Variants in ERICH1 observed in about 807,000 individuals in gnomAD.
ERICH1 encodes glutamate rich 1, also known as glutamate-rich protein 1.
Under a neutral mutation model 39.6 loss-of-function variants are expected in ERICH1, and 56 were observed. That is an observed-to-expected ratio of 1.41 (90% CI 1.14 to 1.77). The LOEUF (loss-of-function observed/expected upper bound fraction) is 1.77, where lower values mean the gene tolerates loss of function less well. ERICH1 is among the 40% of genes most tolerant of loss of function. ERICH1 has a pLI of 0.00. For missense variants in ERICH1, 826 were observed against 575.4 expected (o/e 1.44, Z -4.45); for synonymous variants, 313 against 223.6 (o/e 1.40, Z -3.57).
intron 1 of ERICH1, 27 bp downstream of exon 1, chr8:731,113 G>C: frequency 6.7e-7 from 1 of 1,488,214 alleles, no homozygotes; most frequent in Non-Finnish European, 8.9e-7. Flanking sequence ...TGGGGTCTGG[G>C]CAGGCCTCCG....
chr8:731,033 G>A (rs1819871171), intron 1 of ERICH1, 107 bp downstream of exon 1: 9 of 1,288,342 alleles, frequency 7.0e-6, no homozygotes, highest in Non-Finnish European at 9.0e-6. Context: ...CTGGGTTTGG[G>A]GTGGGGCCTG....
At chr8:684,854 A>C (rs1806940743) in intron 3 of ERICH1, among the ~76,000 whole-genome samples, 1 of 152,204 alleles carries the variant, frequency 6.6e-6, no homozygotes, top group African/African-American at 2.4e-5. Flanking sequence ...GAGTGTACAA[A>C]TACGGTATGG....
chr8:716,806 G>A (rs1391368129), intron 1 of ERICH1, among the ~76,000 whole-genome samples: 1 of 152,084 alleles, frequency 6.6e-6, no homozygotes, highest in Non-Finnish European at 1.5e-5. Context: ...GGCGTGCAGG[G>A]ATCTGTCATA....
At position 715,957 on chromosome 8, in the gene ERICH1, G is replaced by A; in HGVS notation, c.73C>T (p.Gln25Ter). 1 of 1,613,744 alleles carries A rather than the reference G, an allele frequency of 6.2e-7. No individual in the cohort carries two copies. The highest frequency in any genetic ancestry group is 8.5e-7 in the Non-Finnish European group (1 of 1,179,872). The stretch of plus-strand genomic sequence containing the variant: ...AGCGTCTGGGGTTCCCTCTTTCCTT[G>A]GCCACTTGGAACAGGAGGAAAAAGT... Reference protein sequence around the residue: ...QRLFPPVPSGQGKREPQTLAV... With the variant: ...QRLFPPVPSG The change falls in exon 2 of 6, where the codon CAA becomes TAA. Residue 25 changes from glutamine to a stop codon, truncating the protein, a stop_gained. Transcript: ENST00000262109. LOFTEE classifies it high-confidence loss of function.
intron 3 of ERICH1, among the ~76,000 whole-genome samples, chr8:632,674 C>G (rs1324458481): frequency 6.6e-6 from 1 of 152,178 alleles, no homozygotes; most frequent in Non-Finnish European, 1.5e-5. Flanking sequence ...CAGGAGTGGC[C>G]ACAAGCCACG....
At chr8:615,738 T>G (rs747102202) in intron 3 of ERICH1, 1 of 153,628 alleles carries the variant, frequency 6.5e-6, no homozygotes, top group South Asian at 2.1e-4. Flanking sequence ...CGAGTGAGAA[T>G]TGAGTGGAAT....
downstream of ERICH1, among the ~76,000 whole-genome samples, chr8:660,570 C>A (rs556792291): frequency 6.6e-6 from 1 of 152,368 alleles, no homozygotes; most frequent in South Asian, 2.1e-4. Flanking sequence ...TGTACTGAAT[C>A]CCCACCCAAA....
At chr8:633,739 G>A (rs1185307661) in intron 3 of ERICH1, among the ~76,000 whole-genome samples, 1 of 152,226 alleles carries the variant, frequency 6.6e-6, no homozygotes, top group African/African-American at 2.4e-5. Context: ...CAAACTCAAG[G>A]TCGAATGGGC....
intron 3 of ERICH1, among the ~76,000 whole-genome samples, chr8:691,791 T>C (rs895179754): frequency 2.6e-5 from 4 of 152,212 alleles, no homozygotes; most frequent in Non-Finnish European, 4.4e-5. Context: ...GTTTATAATA[T>C]AGAGTTTCTT....
At position 699,836 on chromosome 8, in the gene ERICH1, C is replaced by A. The variant is rs1281475595; in HGVS notation, c.170-7224G>T. ...ATCCGCACAAGCGCACAGACCCGCA[C>A]AGGCGCACAGACCCGCACACGCGCA... On this transcript the variant is annotated intron_variant, in intron 2 of 5. Coordinates refer to ENST00000262109, the MANE Select transcript of ERICH1 (RefSeq NM_207332.3). Among the ~76,000 whole-genome samples, 6 of 87,524 alleles carry A rather than the reference C, an allele frequency of 6.9e-5. No individual in the cohort carries two copies. In the Admixed American group the frequency reaches 7.7e-4, roughly 11 times the overall value. The allele number at this position is 87,524 out of a possible 152,430, so 57.4% of individuals were successfully genotyped here.
At chr8:700,158 C>T (rs1811589611) in intron 2 of ERICH1, among the ~76,000 whole-genome samples, 1 of 127,808 alleles carries the variant, frequency 7.8e-6, no homozygotes. Context: ...CACAGACCCG[C>T]ACACGCGCAC....
At chr8:642,413 C>T (rs1020496597) in intron 3 of ERICH1, among the ~76,000 whole-genome samples, 8 of 137,892 alleles carry the variant, frequency 5.8e-5, no homozygotes, top group East Asian at 2.2e-4. Context: ...GGTGCGATCT[C>T]GGCTCACTGC....
chr8:704,577 G>A (rs962483557), intron 2 of ERICH1, among the ~76,000 whole-genome samples: 1 of 152,128 alleles, frequency 6.6e-6, no homozygotes, highest in African/African-American at 2.4e-5. Flanking sequence ...GCAAGAAACG[G>A]TGTTTACGGA....
chr8:621,684 C>T (rs180762344), intron 3 of ERICH1, among the ~76,000 whole-genome samples: 148 of 151,838 alleles, frequency 9.7e-4, no homozygotes, highest in African/African-American at 3.2e-3. Flanking sequence ...ACTGACAAAA[C>T]GACAATCCTT....
chr8:643,984 G>T (rs1412280615), intron 3 of ERICH1, among the ~76,000 whole-genome samples: 3 of 152,250 alleles, frequency 2.0e-5, no homozygotes, highest in Admixed American at 6.5e-5. Flanking sequence ...TGACGGGGCG[G>T]GGGCGGCTCT....
chr8:665,410 G>A (rs1008346032), intron 5 of ERICH1, among the ~76,000 whole-genome samples: 7 of 152,232 alleles, frequency 4.6e-5, no homozygotes, highest in South Asian at 2.1e-4. Context: ...CAACTTGTCC[G>A]GGCACCAAAT....
At chr8:726,694 A>G (rs955756759) in intron 1 of ERICH1, among the ~76,000 whole-genome samples, 2 of 150,204 alleles carry the variant, frequency 1.3e-5, no homozygotes, top group Non-Finnish European at 2.9e-5. Flanking sequence ...CATCATACAC[A>G]GGCACACACA....
At chr8:670,847 G>A (rs1803137928) in intron 4 of ERICH1, among the ~76,000 whole-genome samples, 1 of 148,944 alleles carries the variant, frequency 6.7e-6, no homozygotes, top group Non-Finnish European at 1.5e-5. Context: ...TGAACCCACT[G>A]GCCCCTGCTT....
chr8:644,550 T>G lies in ERICH1; in HGVS notation c.976+24048A>C, dbSNP rs548517172. Among the ~76,000 whole-genome samples the G allele has an allele frequency of 1.2e-4, 8 of 68,758 alleles. 3 individuals carry two copies. The highest frequency in any genetic ancestry group is 2.9e-4 in the African/African-American group (8 of 27,316). The allele number at this position is 68,758 out of a possible 152,430, so 45.1% of individuals were successfully genotyped here. A position where few individuals can be genotyped will look rare whatever the true frequency, so the allele number is the denominator to read the frequency against. On this transcript the variant is annotated intron_variant, in intron 3 of 3. Coordinates refer to the ERICH1 transcript ENST00000522706. ...TATTTCATTTTCATTTTGTTTCTAA[T>G]GAGAACGTAATGTGATACAAGGCTA... is the stretch of plus-strand genomic sequence containing the variant.
Sources: gnomAD v4.1 joint callset for allele counts (sites outside exome capture counted in the v4.1 genomes callset) on GRCh38, gnomAD v4.1.1 for gene constraint, MANE v1.5 for transcripts, NCBI Gene and HGNC (gene_info 2026-07-23, HGNC 2026-07-21) for gene names.